FDFT1: variants seen among roughly 807,000 people sequenced by gnomAD.
FDFT1 encodes the protein squalene synthase.
FDFT1 carries 68 observed loss-of-function variants against 46.8 expected under a neutral mutation model. That is an observed-to-expected ratio of 1.45 (90% CI 1.19 to 1.78). The LOEUF is 1.78. Among genes scored for constraint, FDFT1 ranks in the 40% most tolerant of loss-of-function variants. The probability of loss-of-function intolerance (pLI) is 0.00; values close to 1 mark genes in which losing one functional copy is unlikely to be tolerated. For synonymous variants in FDFT1, 351 were observed against 185.1 expected (o/e 1.90, Z -7.28); for missense variants, 928 against 524.4 (o/e 1.77, Z -7.52).
chr8:11,803,367 C>T (rs1290337314), intron 1 of FDFT1: 2 of 1,290,002 alleles, frequency 1.6e-6, no homozygotes, highest in Admixed American at 4.6e-5. Flanking sequence ...CTGACTCCTC[C>T]AGTTTCACCA....
At chr8:11,835,536 T>C (rs554319161) in intron 7 of FDFT1, among the ~76,000 whole-genome samples, 1 of 152,324 alleles carries the variant, frequency 6.6e-6, no homozygotes, top group African/African-American at 2.4e-5. Context: ...GAAGGGCATA[T>C]TGAAGTGCTC....
chr8:11,799,265 T>C (rs1805865867), upstream of FDFT1, among the ~76,000 whole-genome samples: 1 of 152,214 alleles, frequency 6.6e-6, no homozygotes, highest in Non-Finnish European at 1.5e-5. Context: ...CTGAGATCAA[T>C]CTCTTGACCA....
intron 3 of FDFT1, among the ~76,000 whole-genome samples, chr8:11,819,192 T>TTG (rs1808878570): frequency 6.6e-6 from 1 of 152,226 alleles, no homozygotes; most frequent in Non-Finnish European, 1.5e-5. Context: ...CTCTTCTGGC[T>TTG]AGTAGGGTTT....
intron 4 of FDFT1, among the ~76,000 whole-genome samples, chr8:11,822,467 T>C (rs977860458): frequency 6.6e-6 from 1 of 152,176 alleles, no homozygotes; most frequent in Non-Finnish European, 1.5e-5. Context: ...AACTGCTGAT[T>C]TGTGCTTCCT....
chr8:11,800,392 G>C (rs898110417), upstream of FDFT1, among the ~76,000 whole-genome samples: 1 of 151,116 alleles, frequency 6.6e-6, no homozygotes, highest in Non-Finnish European at 1.5e-5. Context: ...AAACAAAGGA[G>C]ACAGGGTCAT....
chr8:11,806,435 C>CT (rs957181775), intron 1 of FDFT1, among the ~76,000 whole-genome samples: 3 of 152,034 alleles, frequency 2.0e-5, no homozygotes, highest in Non-Finnish European at 4.4e-5. Context: ...AGGTAAGGGA[C>CT]TGAAACAAAT....
At chr8:11,806,084 C>G (rs553127401) in intron 1 of FDFT1, among the ~76,000 whole-genome samples, 1 of 152,180 alleles carries the variant, frequency 6.6e-6, no homozygotes, top group Non-Finnish European at 1.5e-5. Flanking sequence ...CCGTGGAGGG[C>G]TGGTAGCTGG....
chr8:11,799,197 A>T (rs1392493632), upstream of FDFT1, among the ~76,000 whole-genome samples: 1 of 152,234 alleles, frequency 6.6e-6, no homozygotes, highest in Non-Finnish European at 1.5e-5. Flanking sequence ...TTGAGTGTAC[A>T]GTTTCTGTAA....
At chr8:11,813,747 G>T (rs1490182126) in intron 3 of FDFT1, among the ~76,000 whole-genome samples, 2 of 152,170 alleles carry the variant, frequency 1.3e-5, no homozygotes, top group Non-Finnish European at 2.9e-5. Flanking sequence ...GGAACCATCA[G>T]AAAGTGATCT....
rs1384458158 is a variant in FDFT1, at chr8:11,838,414, C to A, written c.1059C>A (p.Asp353Glu). Reference sequence around the variant, plus strand: ...TTTATCATAGAATCCCCGACTCAGACCCATCTTCTAGCAAAACAAGGCAGA... The same window carrying A: ...TTTATCATAGAATCCCCGACTCAGAACCATCTTCTAGCAAAACAAGGCAGA... ...EEIYHRIPDS[D>E]PSSSKTRQII... The change falls in exon 8 of 8, where the codon GAC becomes GAA. Residue 353 changes from aspartate to glutamate, a missense_variant. By Grantham distance (45) the Asp-to-Glu change is conservative. Coordinates refer to ENST00000220584, the MANE Select transcript of FDFT1 (RefSeq NM_004462.5). 1.9e-6 allele frequency: 3 copies of A among 1,613,644 alleles called. No homozygotes were observed. The highest frequency in any genetic ancestry group is 2.7e-5 in the African/African-American group (2 of 75,036).
At chr8:11,804,693 G>A (rs533785646) in intron 1 of FDFT1, among the ~76,000 whole-genome samples, 6 of 133,488 alleles carry the variant, frequency 4.5e-5, no homozygotes, top group African/African-American at 1.1e-4. Context: ...TGCAGCCTCC[G>A]CCTCCTGGGT....
chr8:11,803,059 C>A, intron 1 of FDFT1, 128 bp downstream of exon 1: 1 of 1,457,410 alleles, frequency 6.9e-7, no homozygotes, highest in South Asian at 1.4e-5. Context: ...TGGGTGTTCC[C>A]GTCCCCCTTT....
chr8:11,800,290 AAAG>A (rs1426505983), upstream of FDFT1, among the ~76,000 whole-genome samples: 144 of 98,494 alleles, frequency 1.5e-3, 14 homozygotes, highest in Middle Eastern at 6.8e-3. Context: ...AAAAAAAAAA[AAAG>A]GCGCTTGAAC....
At chr8:11,834,138 G>A (rs1284092718) in intron 7 of FDFT1, among the ~76,000 whole-genome samples, 1 of 152,200 alleles carries the variant, frequency 6.6e-6, no homozygotes, top group Non-Finnish European at 1.5e-5. Flanking sequence ...CCGATCTCTG[G>A]ACTTAGTGTT....
chr8:11,796,352 G>A lies in FDFT1; in HGVS notation c.-94+341G>A, dbSNP rs192283799. Among the ~76,000 whole-genome samples, 156 of 152,298 alleles carry A rather than the reference G, an allele frequency of 1.0e-3. 1 individual carries two copies. The highest frequency in any genetic ancestry group is 3.5e-3 in the African/African-American group (146 of 41,552). On this transcript the variant is annotated intron_variant, in intron 1 of 7. Transcript: ENST00000538689. The stretch of plus-strand genomic sequence containing the variant: ...GTGTAGGCCCAGCCCTTGTGCTTGA[G>A]GGGGCCACTGTGAGGTGGCGAAACA...
chr8:11,808,871 G>A lies in FDFT1; in HGVS notation c.177G>A (p.Gln59=). Residue 59 remains glutamine (Q), a synonymous_variant, in exon 2 of 8, where the codon CAG becomes CAA. Coordinates refer to ENST00000220584, the MANE Select transcript of FDFT1 (RefSeq NM_004462.5). ...GTCGCAGTTTCGCAGCTGTTATCCAGGCGCTGGATGGGGAAATGCGGTGAG... is the reference window on the plus strand; with the variant it reads ...GTCGCAGTTTCGCAGCTGTTATCCAAGCGCTGGATGGGGAAATGCGGTGAG... ...QTSRSFAAVI[Q]ALDGEMRNAV... 1 of 1,614,006 alleles carries A rather than the reference G, an allele frequency of 6.2e-7. No individual in the cohort carries two copies. Among genetic ancestry groups the A allele is most frequent in the South Asian group, 1.1e-5 (1 of 90,994 alleles).
At chr8:11,824,725 G>T (rs1229887038) in intron 4 of FDFT1, among the ~76,000 whole-genome samples, 1 of 152,100 alleles carries the variant, frequency 6.6e-6, no homozygotes, top group Non-Finnish European at 1.5e-5. Context: ...TGAATGTGCA[G>T]AGTTCTTTTT....
chr8:11,824,434 G>A (rs1320853089), intron 4 of FDFT1, among the ~76,000 whole-genome samples: 1 of 152,178 alleles, frequency 6.6e-6, no homozygotes, highest in Non-Finnish European at 1.5e-5. Context: ...TTTTAGCAAA[G>A]TTGTTAAAGC....
intron 3 of FDFT1, among the ~76,000 whole-genome samples, chr8:11,814,095 C>G (rs187038458): frequency 2.5e-4 from 38 of 152,308 alleles, no homozygotes; most frequent in African/African-American, 9.1e-4. Context: ...TTGACCTTTC[C>G]TCTCTAATAA....
Sources: allele counts gnomAD v4.1 joint callset (sites outside exome capture counted in the v4.1 genomes callset), GRCh38; gene constraint gnomAD v4.1.1; transcripts MANE v1.5; gene names NCBI Gene and HGNC (gene_info 2026-07-23, HGNC 2026-07-21).